SLCO5A1: variants seen among roughly 807,000 people sequenced by gnomAD.
The protein encoded by SLCO5A1 is organic anion transporter polypeptide-related protein 4.
In SLCO5A1, 39 loss-of-function variants were observed where a neutral mutation model predicts 65.1. The ratio of observed to expected loss-of-function variants is 0.60; its 90% confidence interval spans 0.46 to 0.78. The LOEUF is 0.78. Among genes scored for constraint, SLCO5A1 ranks in the 30% least tolerant of loss-of-function variants. SLCO5A1 has a pLI of 0.00. For synonymous variants in SLCO5A1, 438 were observed against 415.7 expected, an observed-to-expected ratio of 1.05 and a Z score of -0.65; for missense variants, 1,029 against 1,069.4, an observed-to-expected ratio of 0.96 and a Z score of 0.53.
intron 2 of SLCO5A1, among the ~76,000 whole-genome samples, chr8:69,788,579 C>A (rs573714214): frequency 1.3e-5 from 2 of 152,142 alleles, no homozygotes; most frequent in Admixed American, 6.5e-5. Context: ...CTAAGAATTA[C>A]TAACATCATA....
intron 4 of SLCO5A1, among the ~76,000 whole-genome samples, chr8:69,749,881 T>C (rs1321108795): frequency 2.6e-5 from 4 of 151,938 alleles, no homozygotes; most frequent in Non-Finnish European, 5.9e-5. Flanking sequence ...TAAGAAGCCT[T>C]GAAGGAGAGG....
intron 5 of SLCO5A1, 124 bp downstream of exon 5, chr8:69,737,916 G>A (rs1816626972): frequency 1.0e-6 from 1 of 976,934 alleles, no homozygotes. Flanking sequence ...AAAATCTGGG[G>A]GGAAAGGTAG....
intron 6 of SLCO5A1, among the ~76,000 whole-genome samples, chr8:69,683,454 T>C (rs1033595397): frequency 1.3e-5 from 2 of 152,182 alleles, no homozygotes; most frequent in African/African-American, 4.8e-5. Context: ...TGTGGATATA[T>C]TGTGTAGTAG....
chr8:69,742,794 CTTTTTTTTTTTTT>C (rs10633803), intron 4 of SLCO5A1, among the ~76,000 whole-genome samples: 1 of 83,190 alleles, frequency 1.2e-5, no homozygotes, highest in Admixed American at 1.6e-4. Flanking sequence ...TGAGTGGATT[CTTTTTTTTTTTTT>C]TTTTTTTTTT....
At chr8:69,761,967 A>C in intron 2 of SLCO5A1, 92 bp from the exon 3 acceptor site, 33 of 1,482,618 alleles carry the variant, frequency 2.2e-5, no homozygotes, top group Non-Finnish European at 2.6e-5. Flanking sequence ...CAGACATCTC[A>C]CAGTTCAATC....
At chr8:69,795,994 C>A (rs150766918) in intron 2 of SLCO5A1, among the ~76,000 whole-genome samples, 49 of 152,290 alleles carry the variant, frequency 3.2e-4, no homozygotes, top group African/African-American at 1.2e-3. Context: ...TGAGGCATGG[C>A]TGAAGTTGGA....
chr8:69,832,623 C>A lies in SLCO5A1; in HGVS notation c.51G>T (p.Ala17=). 6.2e-7 allele frequency: 1 copy of A among 1,609,904 alleles called. No individual in the cohort carries two copies. The highest frequency in any genetic ancestry group is 2.2e-5 in the East Asian group (1 of 44,874). Residue 17 remains alanine (A), a synonymous_variant, in exon 2 of 10, where the codon GCG becomes GCT. Transcript: ENST00000260126. The surrounding 1 kb of genome is among the most constrained non-coding windows in gnomAD (Gnocchi z 4.5). ...LQPGAGEQLE[A]PATAEAVQER... is the part of the protein sequence containing the mutation. ...CTTGGACAGCTTCTGCAGTGGCCGGCGCCTCCAGCTGCTCTCCCGCCCCGG... is the reference window on the plus strand; with the variant it reads ...CTTGGACAGCTTCTGCAGTGGCCGGAGCCTCCAGCTGCTCTCCCGCCCCGG...
intron 2 of SLCO5A1, among the ~76,000 whole-genome samples, chr8:69,808,830 C>A (rs1820114245): frequency 6.6e-6 from 1 of 152,160 alleles, no homozygotes; most frequent in Non-Finnish European, 1.5e-5. Flanking sequence ...AGGACCCAGG[C>A]GTGGTGGCTC....
At chr8:69,793,389 TC>T (rs1158938353) in intron 2 of SLCO5A1, among the ~76,000 whole-genome samples, 1 of 152,188 alleles carries the variant, frequency 6.6e-6, no homozygotes, top group African/African-American at 2.4e-5. Flanking sequence ...TAAAAGTCAT[TC>T]AGAACCCTAC....
At chr8:69,769,980 G>A (rs11783001) in intron 2 of SLCO5A1, among the ~76,000 whole-genome samples, 38,364 of 152,010 alleles carry the variant, frequency 0.25, 6,595 homozygotes, top group African/African-American at 0.49. Context: ...ATACCACAGT[G>A]ACAATAACAA....
chr8:69,759,274 T>C (rs1817657349), intron 3 of SLCO5A1, among the ~76,000 whole-genome samples: 1 of 152,214 alleles, frequency 6.6e-6, no homozygotes, highest in South Asian at 2.1e-4. Flanking sequence ...AGTTACTCAA[T>C]AAAATTCAAA....
intron 2 of SLCO5A1, among the ~76,000 whole-genome samples, chr8:69,777,760 C>G (rs1195220861): frequency 2.1e-4 from 32 of 152,130 alleles, no homozygotes; most frequent in Admixed American, 2.0e-3. Context: ...GCTACCCACG[C>G]GTTAGTCATC....
rs1321292931 is a variant in SLCO5A1 at position 69,671,367 on chromosome 8, C to A, written c.*1502G>T. 1 of 152,202 alleles carries A rather than the reference C, an allele frequency of 6.6e-6. No individual in the cohort carries two copies. The highest frequency in any genetic ancestry group is 2.4e-5 in the African/African-American group (1 of 41,436). 9.4% of individuals were successfully genotyped at this position (152,202 alleles called of 1,614,324 possible). A position where few individuals can be genotyped will look rare whatever the true frequency, so the allele number is the denominator to read the frequency against. ...GGTAAACCAGAAGAGAAAAACATTT[C>A]CCTAATTAGCCCTCCATGACCATAG... On this transcript the variant is annotated 3_prime_UTR_variant, in exon 10 of 10. Coordinates refer to ENST00000260126, the MANE Select transcript of SLCO5A1 (RefSeq NM_030958.3).
At chr8:69,699,608 G>T (rs34001558) in intron 6 of SLCO5A1, among the ~76,000 whole-genome samples, 3,165 of 152,236 alleles carry the variant, frequency 0.021, 58 homozygotes, top group Middle Eastern at 0.044. Flanking sequence ...TCAATACCAT[G>T]AGCAAGCTAA....
chr8:69,706,158 T>C (rs1048757796), intron 5 of SLCO5A1, among the ~76,000 whole-genome samples: 2 of 152,178 alleles, frequency 1.3e-5, no homozygotes, highest in Non-Finnish European at 2.9e-5. Context: ...AAGACAATGA[T>C]GAATGGAAGG....
chr8:69,784,188 T>C (rs553879775), intron 2 of SLCO5A1, among the ~76,000 whole-genome samples: 1 of 152,290 alleles, frequency 6.6e-6, no homozygotes, highest in African/African-American at 2.4e-5. Flanking sequence ...AAAGAGTTCT[T>C]ACAATTCAAT....
intron 2 of SLCO5A1, among the ~76,000 whole-genome samples, chr8:69,790,878 A>G (rs768818549): frequency 2.6e-5 from 4 of 152,216 alleles, no homozygotes; most frequent in Non-Finnish European, 5.9e-5. Context: ...AGACTGAGTA[A>G]CAACTGAGTG....
At chr8:69,696,873 C>G (rs1159180255) in intron 6 of SLCO5A1, among the ~76,000 whole-genome samples, 1 of 152,084 alleles carries the variant, frequency 6.6e-6, no homozygotes, top group East Asian at 1.9e-4. Context: ...AAAGGGAACA[C>G]TCAGAATCCA....
intron 2 of SLCO5A1, among the ~76,000 whole-genome samples, chr8:69,793,465 AAAT>A (rs754693266): frequency 6.1e-4 from 93 of 151,940 alleles, no homozygotes; most frequent in Non-Finnish European, 1.2e-3. Context: ...ATGTCAATAA[AAAT>A]AATAATAATA....
Sources: gnomAD v4.1 joint callset for allele counts (sites outside exome capture counted in the v4.1 genomes callset) on GRCh38, gnomAD v4.1.1 for gene constraint, Gnocchi (gnomAD v3.1) non-coding constraint, MANE v1.5 for transcripts, NCBI Gene and HGNC (gene_info 2026-07-23, HGNC 2026-07-21) for gene names.